HGD: variants seen among roughly 807,000 people sequenced by gnomAD.
HGD encodes homogentisate oxidase.
Under a neutral mutation model 60.8 loss-of-function variants are expected in HGD, and 61 were observed. The observed-to-expected ratio is 1.00, with a 90% CI of 0.82 to 1.24. HGD has a LOEUF of 1.24. Ranked by LOEUF, HGD falls within the 50% of genes most tolerant of loss-of-function variation. The probability of loss-of-function intolerance (pLI) is 0.00; values close to 1 mark genes in which losing one functional copy is unlikely to be tolerated. For synonymous variants in HGD, 212 were observed against 187.7 expected (o/e 1.13, Z -1.06); for missense variants, 542 against 547.1 (o/e 0.99, Z 0.09).
intron 9 of HGD, among the ~76,000 whole-genome samples, chr3:120,645,220 C>T (rs1239370208): frequency 6.6e-6 from 1 of 152,262 alleles, no homozygotes; most frequent in Non-Finnish European, 1.5e-5. Flanking sequence ...GACTATAGAG[C>T]AGCAGGAAGC....
chr3:120,655,216 G>C (rs1941458715), intron 4 of HGD, among the ~76,000 whole-genome samples: 1 of 152,216 alleles, frequency 6.6e-6, no homozygotes, highest in African/African-American at 2.4e-5. Flanking sequence ...CTGATGGGTT[G>C]ACCAGGTCAG....
chr3:120,659,473 G>C (rs998159690), intron 4 of HGD, among the ~76,000 whole-genome samples: 3 of 152,162 alleles, frequency 2.0e-5, no homozygotes, highest in Middle Eastern at 3.2e-3. Context: ...TAACAAGTTT[G>C]ACCTTTGATC....
At position 120,628,253 on chromosome 3, in the gene HGD, A is replaced by T; in HGVS notation, c.*127T>A. 1 of 1,053,400 alleles carries T rather than the reference A, an allele frequency of 9.5e-7. No homozygotes were observed. The highest frequency in any genetic ancestry group is 1.6e-5 in the African/African-American group (1 of 63,674). The allele number at this position is 1,053,400 out of a possible 1,614,324, so 65.3% of individuals were successfully genotyped here. A position where few individuals can be genotyped will look rare whatever the true frequency, so the allele number is the denominator to read the frequency against. ...CAAATGCGTTTCCATAAAAGTTCTG[A>T]GTTACTTGACTATGAAAAGTGAATT... On this transcript the variant is annotated 3_prime_UTR_variant, in exon 14 of 14. Coordinates refer to ENST00000283871, the MANE Select transcript of HGD (RefSeq NM_000187.4).
intron 9 of HGD, 79 bp from the exon 10 acceptor site, chr3:120,644,522 G>C (rs1941098845): frequency 6.2e-7 from 1 of 1,606,252 alleles, no homozygotes; most frequent in South Asian, 1.1e-5. Context: ...GAAGAGAAAG[G>C]CTTTCTTTCA....
At position 120,644,302 on chromosome 3, in the gene HGD, C is replaced by G. The variant is rs754178051; in HGVS notation, c.774+17G>C. 2.5e-6 allele frequency: 4 copies of G among 1,613,718 alleles called. No individual in the cohort carries two copies. In the African/African-American group the frequency reaches 4.0e-5, roughly 16 times the overall value. The stretch of plus-strand genomic sequence containing the variant: ...ACTCTTCATTTCCTCCCTTGCCTGC[C>G]AACCCTTTTACTTTACCTGTTTGGC... On this transcript the variant is annotated intron_variant, in intron 10 of 13. Transcript: ENST00000283871.
intron 4 of HGD, among the ~76,000 whole-genome samples, chr3:120,664,069 G>T (rs1376494669): frequency 1.3e-5 from 2 of 152,068 alleles, no homozygotes; most frequent in African/African-American, 2.4e-5. Flanking sequence ...TTGCCATGGA[G>T]GTCACTGTTA....
chr3:120,656,027 G>C (rs1941485766), intron 4 of HGD, among the ~76,000 whole-genome samples: 1 of 152,210 alleles, frequency 6.6e-6, no homozygotes, highest in Admixed American at 6.5e-5. Flanking sequence ...TATGTTTAGA[G>C]ATGGGTTTTA....
At chr3:120,675,945 A>G (rs374015223) in intron 1 of HGD, 82 bp from the exon 2 acceptor site, 9 of 946,900 alleles carry the variant, frequency 9.5e-6, no homozygotes, top group East Asian at 4.8e-5. Flanking sequence ...CTAAGGTAAG[A>G]ATTTCTATAT....
chr3:120,665,405 C>G (rs1211141558), intron 4 of HGD, among the ~76,000 whole-genome samples: 1 of 152,114 alleles, frequency 6.6e-6, no homozygotes, highest in African/African-American at 2.4e-5. Context: ...TTAAAGGACT[C>G]TTAAAGAGAA....
intron 1 of HGD, among the ~76,000 whole-genome samples, chr3:120,677,691 G>GCACACTGTGCAA (rs1265218625): frequency 3.3e-4 from 50 of 152,312 alleles, no homozygotes; most frequent in Non-Finnish European, 5.9e-4. Context: ...TAAAGTACTT[G>GCACACTGTGCAA]ATGTCTGTGA....
In HGD at chr3:120,654,497, T is replaced by C. The variant is rs138845221; in HGVS notation, c.283-1846A>G. Among the ~76,000 whole-genome samples, 728 of 152,272 alleles carry C rather than the reference T, an allele frequency of 4.8e-3. 6 individuals carry two copies. The highest frequency in any genetic ancestry group is 0.017 in the African/African-American group (695 of 41,534). On this transcript the variant is annotated intron_variant, in intron 4 of 13. Transcript: ENST00000283871. ...CAAGCATCATACTCAGAAAAGTCCA[T>C]CCAGTCAACAAACCAACCAACCCAC... is the stretch of plus-strand genomic sequence containing the variant.
At chr3:120,677,808 C>T (rs1229377621) in intron 1 of HGD, 2 of 152,180 alleles carry the variant, frequency 1.3e-5, no homozygotes, top group East Asian at 1.9e-4. Context: ...TGTGATGCCT[C>T]CCCCGGATGC....
At chr3:120,652,882 G>T (rs1941386583) in intron 4 of HGD, among the ~76,000 whole-genome samples, 1 of 152,172 alleles carries the variant, frequency 6.6e-6, no homozygotes, top group African/African-American at 2.4e-5. Context: ...AAAACTATGT[G>T]AATATAAACT....
chr3:120,670,790 CAA>C (rs1416403710), intron 3 of HGD, among the ~76,000 whole-genome samples: 2 of 151,994 alleles, frequency 1.3e-5, no homozygotes, highest in East Asian at 3.9e-4. Context: ...TCCATGCTGC[CAA>C]AAAATGAAGA....
At chr3:120,652,032 T>G (rs543334204) in intron 5 of HGD, among the ~76,000 whole-genome samples, 86 of 152,332 alleles carry the variant, frequency 5.6e-4, no homozygotes, top group African/African-American at 1.9e-3. Flanking sequence ...ATGATAAAAA[T>G]CATGGATATC....
chr3:120,653,074 A>T (rs1941392505), intron 4 of HGD, among the ~76,000 whole-genome samples: 1 of 152,068 alleles, frequency 6.6e-6, no homozygotes, highest in Non-Finnish European at 1.5e-5. Flanking sequence ...TGGGCTCCTG[A>T]CACTGCAGGG....
chr3:120,649,736 G>A lies in HGD; in HGVS notation c.434+1038C>T, dbSNP rs533984362. Among the ~76,000 whole-genome samples the A allele has an allele frequency of 1.2e-3, 183 of 152,254 alleles. 2 individuals carry two copies. The highest frequency in any genetic ancestry group is 4.2e-3 in the African/African-American group (176 of 41,556). ...GATTCATCCCCTGTGATGTGCAGTG[G>A]CGCTACAGGGAACCCCCCCAAAAAT... On this transcript the variant is annotated intron_variant, in intron 6 of 13. Coordinates refer to ENST00000283871, the MANE Select transcript of HGD (RefSeq NM_000187.4).
intron 1 of HGD, among the ~76,000 whole-genome samples, chr3:120,677,413 T>C (rs1295898229): frequency 6.6e-6 from 1 of 152,050 alleles, no homozygotes; most frequent in South Asian, 2.1e-4. Flanking sequence ...ACAGCCCCCC[T>C]CCAGGTGCGC....
At chr3:120,641,776 T>C (rs1226752450) in intron 10 of HGD, 83 bp from the exon 11 acceptor site, 2 of 877,084 alleles carry the variant, frequency 2.3e-6, no homozygotes, top group Admixed American at 1.7e-5. Context: ...TGAGTATACC[T>C]CTCTCTTCTT....
Sources: gnomAD v4.1 joint callset for allele counts (sites outside exome capture counted in the v4.1 genomes callset) on GRCh38, gnomAD v4.1.1 for gene constraint, MANE v1.5 for transcripts, NCBI Gene and HGNC (gene_info 2026-07-23, HGNC 2026-07-21) for gene names.